The following MTCL1 variants were observed in gnomAD, a reference collection of about 807,000 sequenced individuals.
MTCL1 encodes microtubule cross-linking factor 1.
MTCL1 carries 79 observed loss-of-function variants against 141.4 expected under a neutral mutation model. That is an observed-to-expected ratio of 0.56 (90% CI 0.47 to 0.67). The LOEUF is 0.67. Among genes scored for constraint, MTCL1 ranks in the 30% least tolerant of loss-of-function variants. The probability of loss-of-function intolerance (pLI) is 0.00; values close to 1 mark genes in which losing one functional copy is unlikely to be tolerated. For synonymous variants in MTCL1, 914 were observed against 875.8 expected, an observed-to-expected ratio of 1.04 and a Z score of -0.77; for missense variants, 2,177 against 2,113.9, an observed-to-expected ratio of 1.03 and a Z score of -0.59.
At chr18:8,709,640 G>C (rs1160872187) in intron 1 of MTCL1, among the ~76,000 whole-genome samples, 1 of 152,070 alleles carries the variant, frequency 6.6e-6, no homozygotes, top group Non-Finnish European at 1.5e-5. Context: ...CAAATTTTAC[G>C]TTGCTATATT....
At chr18:8,781,937 G>T (rs1334589545) in intron 5 of MTCL1, among the ~76,000 whole-genome samples, 1 of 152,212 alleles carries the variant, frequency 6.6e-6, no homozygotes, top group Non-Finnish European at 1.5e-5. Context: ...CTGTGGCAGT[G>T]GCTGCACACT....
chr18:8,738,776 C>T (rs955351472), intron 4 of MTCL1, among the ~76,000 whole-genome samples: 9 of 152,316 alleles, frequency 5.9e-5, no homozygotes, highest in African/African-American at 2.2e-4. Context: ...AACTTCCACT[C>T]TGCAGCATCT....
intron 4 of MTCL1, among the ~76,000 whole-genome samples, chr18:8,729,295 A>T (rs750922110): frequency 5.3e-5 from 8 of 151,492 alleles, no homozygotes; most frequent in Non-Finnish European, 1.0e-4. Context: ...GCCTCAAGGG[A>T]TCCTCCTGCC....
intron 7 of MTCL1, 106 bp downstream of exon 6, chr18:8,786,197 C>CAGG (rs1568035840): frequency 7.8e-7 from 1 of 1,289,568 alleles, no homozygotes; most frequent in Non-Finnish European, 1.1e-6. Context: ...GGGAACATGG[C>CAGG]AGGAGGAGGT....
intron 4 of MTCL1, among the ~76,000 whole-genome samples, chr18:8,756,576 G>A (rs550931329): frequency 1.7e-4 from 25 of 143,324 alleles, no homozygotes; most frequent in African/African-American, 6.9e-4. Context: ...AAAGGCAAGA[G>A]ATCCAAATTC....
chr18:8,710,352 C>T (rs1232825675), intron 1 of MTCL1, among the ~76,000 whole-genome samples: 1 of 152,172 alleles, frequency 6.6e-6, no homozygotes, highest in South Asian at 2.1e-4. Context: ...CTCTTGTTGT[C>T]CTTTGACCTC....
chr18:8,718,542 G>A (rs776668510), exon 3 of MTCL1: 41 of 1,614,178 alleles, frequency 2.5e-5, no homozygotes, highest in Admixed American at 1.3e-4. Flanking sequence ...AAAAACTGCC[G>A]AATCCTGCAG....
chr18:8,713,139 T>TA (rs1439037344), upstream of MTCL1, among the ~76,000 whole-genome samples: 15 of 152,218 alleles, frequency 9.9e-5, no homozygotes, highest in Non-Finnish European at 1.0e-4. Context: ...TAATTTGAGA[T>TA]ACATGATAAG....
At chr18:8,795,393 C>T (rs549393860) in intron 8 of MTCL1, among the ~76,000 whole-genome samples, 5 of 152,334 alleles carry the variant, frequency 3.3e-5, no homozygotes, top group Admixed American at 2.6e-4. Context: ...GCTTTGATCC[C>T]ATAGTATCAC....
intron 4 of MTCL1, among the ~76,000 whole-genome samples, chr18:8,726,490 A>C (rs1024278935): frequency 7.9e-5 from 9 of 113,300 alleles, no homozygotes; most frequent in African/African-American, 2.4e-4. Context: ...AGAGAGAGAG[A>C]GAGAGCGCGC....
intron 4 of MTCL1, among the ~76,000 whole-genome samples, chr18:8,772,358 A>G (rs1459945885): frequency 2.6e-5 from 4 of 152,260 alleles, no homozygotes; most frequent in African/African-American, 9.6e-5. Context: ...AATCCCACAT[A>G]GGAGATCTGT....
chr18:8,722,522 T>C (rs1307340887), intron 4 of MTCL1, among the ~76,000 whole-genome samples: 2 of 152,252 alleles, frequency 1.3e-5, no homozygotes, highest in Non-Finnish European at 2.9e-5. Context: ...TTTTGCATGT[T>C]GTATGTATTA....
At chr18:8,797,749 T>A (rs1028569667) in intron 9 of MTCL1, among the ~76,000 whole-genome samples, 1 of 152,262 alleles carries the variant, frequency 6.6e-6, no homozygotes, top group Non-Finnish European at 1.5e-5. Context: ...ATAACCATTA[T>A]TAAGCAAAGC....
rs532157159 is a variant in MTCL1 at position 8,722,271 on chromosome 18, C to G, written c.357+1775C>G. Among the ~76,000 whole-genome samples, 125 of 152,206 alleles carry G rather than the reference C, an allele frequency of 8.2e-4. 4 individuals carry two copies. In the South Asian group the frequency reaches 0.025, roughly 31 times the overall value. ...GGGATTGGAGGTGCGGGGGTCACCT[C>G]CTGTGCAGTTGAAAATCTGTGCATG... On this transcript the variant is annotated intron_variant, in intron 4 of 16. Coordinates refer to ENST00000359865, the Ensembl canonical transcript of MTCL1.
intron 4 of MTCL1, among the ~76,000 whole-genome samples, chr18:8,764,004 TATATATAGA>T: frequency 1.3e-5 from 2 of 152,336 alleles, no homozygotes; most frequent in Middle Eastern, 6.8e-3. Context: ...AATTCTGTTC[TATATATAGA>T]ATATATAGAA....
intron 4 of MTCL1, among the ~76,000 whole-genome samples, chr18:8,742,317 C>G (rs1411971079): frequency 6.6e-6 from 1 of 152,168 alleles, no homozygotes; most frequent in East Asian, 1.9e-4. Flanking sequence ...CTCTCTCCCT[C>G]TGTATTAGTG....
chr18:8,783,697 A>C (rs2096540482), exon 6 of MTCL1: 2 of 1,609,064 alleles, frequency 1.2e-6, no homozygotes. Flanking sequence ...CCACGGGGGA[A>C]GCAGGCGGGC....
chr18:8,753,460 C>A (rs2096382110), intron 4 of MTCL1, among the ~76,000 whole-genome samples: 1 of 152,216 alleles, frequency 6.6e-6, no homozygotes, highest in Non-Finnish European at 1.5e-5. Context: ...TTACTCAGGG[C>A]ACAGCAGGCA....
At chr18:8,706,161 G>A in exon 1 of MTCL1, 1 of 1,221,352 alleles carries the variant, frequency 8.2e-7, no homozygotes. Context: ...GCGGCTCCCG[G>A]GCGCCACCCG....
Sources: gnomAD v4.1 joint callset for allele counts (sites outside exome capture counted in the v4.1 genomes callset) on GRCh38, gnomAD v4.1.1 for gene constraint, MANE v1.5 for transcripts, NCBI Gene and HGNC (gene_info 2026-07-23, HGNC 2026-07-21) for gene names.